SPOCK3: variants seen among roughly 807,000 people sequenced by gnomAD.
The protein encoded by SPOCK3 is SPARC (osteonectin), cwcv and kazal like domains proteoglycan 3, also known as testican-3.
Under a neutral mutation model 56.6 loss-of-function variants are expected in SPOCK3, and 30 were observed. The observed-to-expected ratio is 0.53, with a 90% CI of 0.40 to 0.72. The LOEUF (loss-of-function observed/expected upper bound fraction) is 0.72, where lower values mean the gene tolerates loss of function less well. SPOCK3 is among the 30% of genes least tolerant of loss of function. SPOCK3 has a pLI of 0.00. For missense variants in SPOCK3, 527 were observed against 530.0 expected, an observed-to-expected ratio of 0.99 and a Z score of 0.06; for synonymous variants, 196 against 183.3, an observed-to-expected ratio of 1.07 and a Z score of -0.56.
At chr4:166,907,629 A>G (rs1021220209) in intron 5 of SPOCK3, among the ~76,000 whole-genome samples, 2 of 152,122 alleles carry the variant, frequency 1.3e-5, no homozygotes, top group African/African-American at 4.8e-5. Flanking sequence ...AATCAGTGTA[A>G]GGAGAGGAAG....
At chr4:166,913,633 A>G (rs1281927362) in intron 4 of SPOCK3, among the ~76,000 whole-genome samples, 1 of 152,050 alleles carries the variant, frequency 6.6e-6, no homozygotes. Flanking sequence ...TTTTCTTTTC[A>G]TGAATATGTC....
At chr4:166,841,242 G>A (rs370683906) in intron 6 of SPOCK3, among the ~76,000 whole-genome samples, 3 of 152,136 alleles carry the variant, frequency 2.0e-5, no homozygotes, top group East Asian at 1.9e-4. Context: ...CAATTTAACT[G>A]AAGGTCAGTT....
At chr4:166,909,746 G>A (rs1737051350) in intron 5 of SPOCK3, among the ~76,000 whole-genome samples, 1 of 152,092 alleles carries the variant, frequency 6.6e-6, no homozygotes, top group Non-Finnish European at 1.5e-5. Flanking sequence ...AGAATTTGGA[G>A]CTCATCATTA....
intron 6 of SPOCK3, among the ~76,000 whole-genome samples, chr4:166,860,038 A>T (rs1483859215): frequency 6.6e-6 from 1 of 152,158 alleles, no homozygotes; most frequent in Non-Finnish European, 1.5e-5. Flanking sequence ...AGAACGTAAG[A>T]TAATCTAATA....
intron 9 of SPOCK3, among the ~76,000 whole-genome samples, chr4:166,739,065 A>G (rs1734551695): frequency 6.6e-6 from 1 of 151,902 alleles, no homozygotes; most frequent in Non-Finnish European, 1.5e-5. Context: ...ACAATGGTTG[A>G]ACTAGTTTAC....
At chr4:167,144,036 A>C (rs994518049) in intron 2 of SPOCK3, among the ~76,000 whole-genome samples, 3 of 152,032 alleles carry the variant, frequency 2.0e-5, no homozygotes, top group African/African-American at 7.2e-5. Flanking sequence ...AGAAGTCACC[A>C]GAATACAACT....
chr4:167,167,524 G>A (rs1465947160), intron 2 of SPOCK3, among the ~76,000 whole-genome samples: 2 of 152,094 alleles, frequency 1.3e-5, no homozygotes, highest in African/African-American at 2.4e-5. Context: ...AAAGTGTATG[G>A]TATTTCTCAC....
intron 6 of SPOCK3, among the ~76,000 whole-genome samples, chr4:166,886,896 G>A (rs887592717): frequency 7.2e-5 from 11 of 152,096 alleles, no homozygotes; most frequent in African/African-American, 2.7e-4. Flanking sequence ...GTGTAGAAAT[G>A]ACACTCAAAA....
chr4:167,168,258 A>C (rs138281343), intron 2 of SPOCK3, among the ~76,000 whole-genome samples: 1 of 152,124 alleles, frequency 6.6e-6, no homozygotes, highest in Non-Finnish European at 1.5e-5. Flanking sequence ...ATGTGGAAGC[A>C]ACTTTGGAAC....
At chr4:166,846,355 T>A (rs1260202276) in intron 6 of SPOCK3, among the ~76,000 whole-genome samples, 2 of 152,118 alleles carry the variant, frequency 1.3e-5, no homozygotes, top group Non-Finnish European at 2.9e-5. Flanking sequence ...AAAAAATACA[T>A]GATATAAATG....
chr4:166,763,798 T>C (rs1737573003), intron 7 of SPOCK3, among the ~76,000 whole-genome samples: 1 of 152,144 alleles, frequency 6.6e-6, no homozygotes, highest in Non-Finnish European at 1.5e-5. Flanking sequence ...ATATAGTTAA[T>C]TAACTATGTT....
rs142300130 is a variant in SPOCK3 at position 166,988,190 on chromosome 4, C to T, written c.350+12159G>A. Among the ~76,000 whole-genome samples the T allele has an allele frequency of 4.5e-4, 68 of 151,882 alleles. No homozygotes were observed. In the East Asian group the frequency reaches 0.011, roughly 24 times the overall value. On this transcript the variant is annotated intron_variant, in intron 4 of 10. Transcript: ENST00000357545. The stretch of plus-strand genomic sequence containing the variant: ...ATATGCAGAAGAGGATGATGAAGGT[C>T]GTGGTTGATAACAATAATAGTAACA...
At chr4:167,205,528 T>A (rs1370886346) in intron 2 of SPOCK3, among the ~76,000 whole-genome samples, 12 of 57,966 alleles carry the variant, frequency 2.1e-4, no homozygotes, top group African/African-American at 8.0e-4. Context: ...TTATATATAT[T>A]ATTATATAAT....
intron 3 of SPOCK3, among the ~76,000 whole-genome samples, chr4:167,020,564 C>A (rs1204178015): frequency 6.6e-6 from 1 of 152,034 alleles, no homozygotes; most frequent in African/African-American, 2.4e-5. Context: ...CATGTGAGAA[C>A]AGTGTTCATA....
chr4:166,860,811 A>ATATATATATATATATATG (rs984740187), intron 6 of SPOCK3, among the ~76,000 whole-genome samples: 7 of 143,760 alleles, frequency 4.9e-5, no homozygotes, highest in Admixed American at 4.2e-4. Flanking sequence ...TCATATATAT[A>ATATATATATATATATATG]TATATGTATA....
chr4:166,797,118 C>G (rs772845130), intron 6 of SPOCK3, among the ~76,000 whole-genome samples: 24 of 151,572 alleles, frequency 1.6e-4, no homozygotes, highest in Non-Finnish European at 2.5e-4. Flanking sequence ...CTTAATTATT[C>G]AAGTACAGAT....
rs187157172 is a variant in SPOCK3 at position 166,908,029 on chromosome 4, C to A, written c.474+4591G>T. 3.7e-3 allele frequency among the ~76,000 whole-genome samples: 564 copies of A among 151,936 alleles called. 2 individuals carry two copies. Among genetic ancestry groups the A allele is most frequent in the African/African-American group, 0.013 (536 of 41,478 alleles). On this transcript the variant is annotated intron_variant, in intron 5 of 10. Transcript: ENST00000357545. ...GGAAAGAAGATAGAACAACTAAATA[C>A]TAAAAAGTATAACATACCAAACTTC...
chr4:167,127,063 A>T (rs555169755), intron 2 of SPOCK3, among the ~76,000 whole-genome samples: 9 of 152,290 alleles, frequency 5.9e-5, no homozygotes, highest in Admixed American at 5.2e-4. Context: ...AGAATAGACA[A>T]TTGGGTGAGG....
At chr4:166,837,357 T>C (rs1746728439) in intron 6 of SPOCK3, among the ~76,000 whole-genome samples, 3 of 152,290 alleles carry the variant, frequency 2.0e-5, no homozygotes, top group South Asian at 4.1e-4. Context: ...AAGGTAGAGA[T>C]GGTGTTTCAC....
Sources: gnomAD v4.1 joint callset for allele counts (sites outside exome capture counted in the v4.1 genomes callset) on GRCh38, gnomAD v4.1.1 for gene constraint, MANE v1.5 for transcripts, NCBI Gene and HGNC (gene_info 2026-07-23, HGNC 2026-07-21) for gene names.